The following OVCH2 variants were observed in gnomAD, a reference collection of about 807,000 sequenced individuals.
OVCH2 encodes ovochymase-2.
A neutral mutation model predicts 73.7 loss-of-function variants in OVCH2; 88 were observed. The ratio of observed to expected loss-of-function variants is 1.19; its 90% CI spans 1.01 to 1.43. OVCH2 has a LOEUF of 1.43. Ranked by LOEUF, OVCH2 falls within the 40% of genes most tolerant of loss-of-function variation. The pLI is 0.00. For synonymous variants in OVCH2, 265 were observed against 234.5 expected, an observed-to-expected ratio of 1.13 and a Z score of -1.19; for missense variants, 706 against 674.5, an observed-to-expected ratio of 1.05 and a Z score of -0.52.
chr11:7,695,176 C>A lies in OVCH2; in HGVS notation c.1295G>T (p.Ser432Ile). ...TTCTTCAAAAAGGACAGTTAAGTAA[C>A]TGCAACCTGAATCTGAAACGTAAGA... The part of the protein sequence containing the change: ...KPNYIPDSGC[S>I]YLTVLFEEGL... Residue 432 changes from serine to isoleucine, a missense_variant, in exon 12 of 16, where the codon AGT becomes ATT. Transcript: ENST00000533663. The A allele has an allele frequency of 6.4e-7, 1 of 1,557,136 alleles. No homozygotes were observed. The highest frequency in any genetic ancestry group is 8.7e-7 in the Non-Finnish European group (1 of 1,152,296).
At chr11:7,701,638 G>C (rs1358998070) in intron 5 of OVCH2, 78 bp downstream of exon 5, 2 of 1,494,534 alleles carry the variant, frequency 1.3e-6, no homozygotes, top group African/African-American at 2.8e-5. Context: ...TTTAAAAATG[G>C]ATTAAAAATT....
intron 3 of OVCH2, among the ~76,000 whole-genome samples, chr11:7,703,338 C>T (rs774441550): frequency 1.3e-5 from 2 of 152,094 alleles, no homozygotes; most frequent in Admixed American, 6.6e-5. Context: ...TTTCTTTTAT[C>T]CATTTCTTCA....
At chr11:7,683,074 TC>T in the OVCH2 span, among the ~76,000 whole-genome samples, 1 of 152,158 alleles carries the variant, frequency 6.6e-6, no homozygotes, top group Non-Finnish European at 1.5e-5. Flanking sequence ...CACAGACACC[TC>T]CTTTGGTGAT....
chr11:7,704,405 A>T lies in OVCH2; in HGVS notation c.198+160T>A, dbSNP rs550790800. On this transcript the variant is annotated intron_variant, in intron 2 of 15. Transcript: ENST00000533663. ...AAAATGACTTACTATGTACAAGTAA[A>T]TACTTTTTCTTATGACATTCATCAC... Among the ~76,000 whole-genome samples, 20 of 152,340 alleles carry T rather than the reference A, an allele frequency of 1.3e-4. No homozygotes were observed. In the South Asian group the frequency reaches 3.9e-3, roughly 30 times the overall value.
At chr11:7,694,934 GC>G in intron 12 of OVCH2, 123 bp downstream of exon 12, 2 of 1,114,914 alleles carry the variant, frequency 1.8e-6, no homozygotes, top group Non-Finnish European at 2.5e-6. Flanking sequence ...TGTGTCAGGT[GC>G]TGGGTTCTAG....
chr11:7,685,112 C>A (rs1331589644), downstream of OVCH2, among the ~76,000 whole-genome samples: 1 of 152,126 alleles, frequency 6.6e-6, no homozygotes, highest in East Asian at 1.9e-4. Flanking sequence ...TCTTGACACC[C>A]CTGGGTTTCC....
Position 7,696,780 on chromosome 11 carries a change from A to T in OVCH2, c.945T>A (p.Asp315Glu). The T allele has an allele frequency of 6.2e-7, 1 of 1,610,192 alleles. No homozygotes were observed. The highest frequency in any genetic ancestry group is 8.5e-7 in the Non-Finnish European group (1 of 1,178,230). ...TCCCCTCAGCCCCGCTGACTATGAC[A>T]TCCTGCTCACTGCACCAGGCTGGGA... is the stretch of plus-strand genomic sequence containing the variant. ...KSSRAWCSEQ[D>E]VIVSGAEGKL... The change falls in exon 9 of 16, where the codon GAT becomes GAA. Residue 315 changes from aspartate (D) to glutamate (E), a missense_variant. Coordinates refer to ENST00000533663, the MANE Select transcript of OVCH2 (RefSeq NM_198185.7).
intron 13 of OVCH2, among the ~76,000 whole-genome samples, 193 bp downstream of exon 13, chr11:7,691,709 A>C (rs1461459882): frequency 1.3e-5 from 2 of 152,040 alleles, no homozygotes; most frequent in African/African-American, 4.8e-5. Context: ...TTTCTGTTTC[A>C]GTGGTTCTTT....
intron 6 of OVCH2, among the ~76,000 whole-genome samples, 164 bp downstream of exon 6, chr11:7,701,156 TTAAC>T (rs1172214435): frequency 7.9e-5 from 12 of 152,174 alleles, no homozygotes; most frequent in Admixed American, 7.9e-4. Context: ...TCTCACACAT[TTAAC>T]TAACTATTTG....
At chr11:7,701,259 C>G in intron 6 of OVCH2, 65 bp downstream of exon 6, 3 of 1,517,330 alleles carry the variant, frequency 2.0e-6, no homozygotes, top group Non-Finnish European at 2.6e-6. Flanking sequence ...TTTAAGAAAA[C>G]TAGAAGAAAA....
rs4528317 is a variant in OVCH2, at chr11:7,695,624, T to A, written c.1228A>T (p.Asn410Tyr). The A allele has an allele frequency of 0.99, 1,600,629 of 1,613,304 alleles. 794,717 individuals carry two copies. The highest frequency in any genetic ancestry group is 1 in the East Asian group (44,885 of 44,886). Residue 410 changes from asparagine to tyrosine, a missense_variant, in exon 11 of 16, where the codon AAT (asparagine) becomes TAT (tyrosine). By Grantham distance (143) the Asn-to-Tyr change is moderately radical. Transcript: ENST00000533663. ...TAGGTAAGATTAAACCCAGCTGCAT[T>A]ATCTGTGGCATCAGAGACGAATTTC... ...RLKFVSDATD[N>Y]AAGFNLTYKA...
chr11:7,705,914 A>T (rs1452047761), intron 1 of OVCH2, among the ~76,000 whole-genome samples: 1 of 152,190 alleles, frequency 6.6e-6, no homozygotes, highest in East Asian at 1.9e-4. Context: ...TACAGTGAAC[A>T]TGCTTCATAT....
downstream of OVCH2, among the ~76,000 whole-genome samples, chr11:7,684,487 T>TACAC (rs1555012336): frequency 7.0e-6 from 1 of 143,426 alleles, no homozygotes; most frequent in Non-Finnish European, 1.5e-5. Context: ...TATATATATA[T>TACAC]ACACACACAT....
At chr11:7,681,864 A>G in the OVCH2 span, among the ~76,000 whole-genome samples, 4 of 151,688 alleles carry the variant, frequency 2.6e-5, no homozygotes, top group South Asian at 4.2e-4. Context: ...AAAAAAAAAA[A>G]AAAAAAAAGA....
intron 12 of OVCH2, among the ~76,000 whole-genome samples, chr11:7,692,275 C>T (rs552351102): frequency 1.4e-4 from 21 of 152,088 alleles, no homozygotes; most frequent in Non-Finnish European, 1.6e-4. Context: ...GGAGAGCTAC[C>T]GCATGGGGAT....
rs2065872444 is a variant in OVCH2 at position 7,701,492 on chromosome 11, T to C, written c.560-17A>G. ...GGACGCCACCTGAAAAACAGAGAGATGGAAGCCCCAGCAGGAACTCTTTCA... is the reference window on the plus strand; with the variant it reads ...GGACGCCACCTGAAAAACAGAGAGACGGAAGCCCCAGCAGGAACTCTTTCA... On this transcript the variant is annotated splice_polypyrimidine_tract_variant and intron_variant, in intron 5 of 15. Coordinates refer to ENST00000533663, the MANE Select transcript of OVCH2 (RefSeq NM_198185.7). 1.2e-6 allele frequency: 2 copies of C among 1,606,120 alleles called. No homozygotes were observed. The highest frequency in any genetic ancestry group is 2.2e-5 in the East Asian group (1 of 44,618).
At position 7,701,333 on chromosome 11, in the gene OVCH2, G is replaced by C; in HGVS notation, c.702C>G (p.Asp234Glu). 6.2e-7 allele frequency: 1 copy of C among 1,611,926 alleles called. No homozygotes were observed. Among genetic ancestry groups the C allele is most frequent in the Non-Finnish European group, 8.5e-7 (1 of 1,179,256 alleles). The part of the protein sequence containing the change: ...LCTGFPDGGR[D>E]ACQGDSGGSL... Reference sequence around the variant, plus strand: ...CGCAGCTCCCACCCACCTGACATGCGTCTCTCCCTCCATCAGGAAAACCTG... The same window carrying C: ...CGCAGCTCCCACCCACCTGACATGCCTCTCTCCCTCCATCAGGAAAACCTG... Residue 234 changes from aspartate to glutamate, a missense_variant, in exon 6 of 16, where the codon GAC becomes GAG. Physicochemically the swap from Asp to Glu is conservative, Grantham distance 45. Coordinates refer to ENST00000533663, the MANE Select transcript of OVCH2 (RefSeq NM_198185.7).
rs1487369569 is a variant in OVCH2, at chr11:7,695,517, T to A, written c.1282+53A>T. 28 of 1,532,978 alleles carry A rather than the reference T, an allele frequency of 1.8e-5. No individual in the cohort carries two copies. The East Asian group carries it at 6.2e-4, about 34-fold the overall frequency. The allele number at this position is 1,532,978 out of a possible 1,614,324, so 95.0% of individuals were successfully genotyped here. A position where few individuals can be genotyped will look rare whatever the true frequency, so the allele number is the denominator to read the frequency against. ...CCACTCACCTAATTCCTATGGGGCC[T>A]AAGCTTCTACAGAAGGTGGAGATAG... is the stretch of plus-strand genomic sequence containing the variant. On this transcript the variant is annotated intron_variant, in intron 11 of 15. Transcript: ENST00000533663.
intron 1 of OVCH2, 100 bp downstream of exon 1, chr11:7,706,207 T>G: frequency 8.4e-7 from 1 of 1,195,816 alleles, no homozygotes; most frequent in Non-Finnish European, 1.2e-6. Flanking sequence ...TATATTTGCT[T>G]CTCCTATTTT....
Sources: allele counts gnomAD v4.1 joint callset (sites outside exome capture counted in the v4.1 genomes callset), GRCh38; gene constraint gnomAD v4.1.1; transcripts MANE v1.5; gene names NCBI Gene and HGNC (gene_info 2026-07-23, HGNC 2026-07-21).